The following PRDM11 variants were observed in gnomAD, a reference collection of about 807,000 sequenced individuals.
The protein encoded by PRDM11 is PR domain-containing protein 11.
In PRDM11, 20 loss-of-function variants were observed where a neutral mutation model predicts 97.8. The ratio of observed to expected loss-of-function variants is 0.20; its 90% confidence interval spans 0.14 to 0.30. PRDM11 has a LOEUF of 0.30. Ranked by LOEUF, PRDM11 falls within the 10% of genes least tolerant of loss-of-function variation. The pLI is 1.00. For missense variants in PRDM11, 1,139 were observed against 1,555.2 expected (o/e 0.73, Z 4.50); for synonymous variants, 599 against 637.7 (o/e 0.94, Z 0.91).
chr11:45,157,946 C>G (rs1423882911), intron 1 of PRDM11, among the ~76,000 whole-genome samples: 2 of 152,132 alleles, frequency 1.3e-5, no homozygotes, highest in Admixed American at 1.3e-4. Flanking sequence ...GCCCTGGGTA[C>G]CTGGTCTCTG....
At chr11:45,121,592 T>C (rs1852432205) in intron 1 of PRDM11, among the ~76,000 whole-genome samples, 1 of 152,286 alleles carries the variant, frequency 6.6e-6, no homozygotes, top group South Asian at 2.1e-4. Context: ...TTAAGCAATT[T>C]TATCTGGTTA....
At chr11:45,153,844 A>G (rs1426340409) in intron 1 of PRDM11, among the ~76,000 whole-genome samples, 1 of 152,198 alleles carries the variant, frequency 6.6e-6, no homozygotes, top group Non-Finnish European at 1.5e-5. Context: ...TGTATGGAGC[A>G]CCAGGACACT....
In PRDM11 at chr11:45,113,829, G is replaced by T. The variant is rs11038303; in HGVS notation, c.96+17928G>T. ...GTGTGTGTGTGTGTGTGTGTGTTTT[G>T]TTTTTTTTTTTTTTTACAAAAAATC... On this transcript the variant is annotated intron_variant, in intron 1 of 6. Coordinates refer to the PRDM11 transcript ENST00000530656. Among the ~76,000 whole-genome samples, 151 of 124,040 alleles carry T rather than the reference G, an allele frequency of 1.2e-3. 6 individuals are homozygous for T. The highest frequency in any genetic ancestry group is 4.2e-3 in the Middle Eastern group (1 of 236). 81.4% of individuals were successfully genotyped at this position (124,040 alleles called of 152,430 possible).
intron 5 of PRDM11, chr11:45,214,322 CCTT>C (rs1006920858): frequency 2.6e-5 from 4 of 152,594 alleles, no homozygotes; most frequent in African/African-American, 9.7e-5. Context: ...AGCTCTGTGT[CCTT>C]TTTTTTCCCT....
In PRDM11 at chr11:45,219,703, A is replaced by G. The variant is rs1405153975; in HGVS notation, c.688A>G (p.Met230Val). The change falls in exon 6 of 8, where the codon ATG becomes GTG. Residue 230 changes from methionine (M) to valine (V), a missense_variant. Met to Val is a conservative substitution (Grantham distance 21, BLOSUM62 1). Around this residue, in one of 2 missense-constraint regions of PRDM11, gnomAD observed 429 missense variants for 510.3 expected, o/e 0.84. Transcript: ENST00000683152. The surrounding 1 kb of genome is among the most constrained non-coding windows in gnomAD (Gnocchi z 4.2). ...WLRVWYSEDY[M>V]KRLHSMSQET... ...GCGGGTCTGGTACAGCGAGGACTAC[A>G]TGAAGCGCCTGCACAGCATGTCCCA... 15 of 1,613,938 alleles carry G rather than the reference A, an allele frequency of 9.3e-6. No individual in the cohort carries two copies. The highest frequency in any genetic ancestry group is 3.3e-5 in the Admixed American group (2 of 60,006).
chr11:45,212,645 C>G (rs1352777598), intron 5 of PRDM11: 1 of 456,284 alleles, frequency 2.2e-6, no homozygotes, highest in Admixed American at 2.3e-5. Flanking sequence ...TCCCTCGCCC[C>G]AGGCCCAGGC....
intron 1 of PRDM11, among the ~76,000 whole-genome samples, chr11:45,156,272 T>TG (rs1179920609): frequency 6.6e-5 from 10 of 152,218 alleles, no homozygotes; most frequent in African/African-American, 2.4e-4. Context: ...ACTTGAAGAA[T>TG]GGGGATGCCT....
intron 2 of PRDM11, 30 bp downstream of exon 2, chr11:45,181,915 GAGAAGT>G: frequency 1.3e-6 from 2 of 1,589,930 alleles, no homozygotes; most frequent in African/African-American, 2.7e-5. Context: ...ACTGGAGAGG[GAGAAGT>G]GGGAGTGGGA....
At chr11:45,155,314 G>A (rs577740039) in intron 1 of PRDM11, among the ~76,000 whole-genome samples, 1 of 152,328 alleles carries the variant, frequency 6.6e-6, no homozygotes, top group African/African-American at 2.4e-5. Flanking sequence ...CTCCACGATG[G>A]CCAAGGGGCA....
At chr11:45,172,378 A>G (rs1852222101) in intron 1 of PRDM11, among the ~76,000 whole-genome samples, 1 of 152,154 alleles carries the variant, frequency 6.6e-6, no homozygotes, top group South Asian at 2.1e-4. Flanking sequence ...CAACCTTCCA[A>G]TCACGTGTTC....
Position 45,181,885 on chromosome 11 carries a change from G to T in PRDM11, c.119G>T (p.Cys40Phe), listed in dbSNP as rs1426695424. 1.2e-6 allele frequency: 2 copies of T among 1,611,328 alleles called. No homozygotes were observed. Among genetic ancestry groups the T allele is most frequent in the South Asian group, 2.2e-5 (2 of 90,832 alleles). Residue 40 changes from cysteine (C) to phenylalanine (F), a missense_variant and splice_region_variant, in exon 2 of 8, where the codon TGC becomes TTC. This residue lies in a region of PRDM11 where 429 missense variants were observed against 510.3 expected (regional missense o/e 0.84). Coordinates refer to ENST00000683152, the MANE Select transcript of PRDM11 (RefSeq NM_001384648.1). ...PLRDQEYGQP[C>F]SRRPDSSAME... is the part of the protein sequence containing the mutation. Reference sequence around the variant, plus strand: ...CGAGACCAGGAGTATGGCCAGCCCTGGTGAGGCCCCTGTGTGGGAACTGGA... The same window carrying T: ...CGAGACCAGGAGTATGGCCAGCCCTTGTGAGGCCCCTGTGTGGGAACTGGA...
At chr11:45,099,312 G>A (rs1045076773) in intron 1 of PRDM11, among the ~76,000 whole-genome samples, 1 of 152,070 alleles carries the variant, frequency 6.6e-6, no homozygotes, top group African/African-American at 2.4e-5. Flanking sequence ...AAAATTAGGT[G>A]TGGTGATGTG....
chr11:45,165,480 G>A (rs937814547), intron 1 of PRDM11, among the ~76,000 whole-genome samples: 3 of 152,246 alleles, frequency 2.0e-5, no homozygotes, highest in Non-Finnish European at 4.4e-5. Context: ...CATCTGCACA[G>A]CACTGTGGTC....
Position 45,225,982 on chromosome 11 carries a change from ATT to A in PRDM11, c.1370-11_1370-10del. 6.8e-7 allele frequency: 1 copy of A among 1,471,548 alleles called. No homozygotes were observed. The highest frequency in any genetic ancestry group is 9.0e-7 in the Non-Finnish European group (1 of 1,114,118). 91.2% of individuals were successfully genotyped at this position (1,471,548 alleles called of 1,614,324 possible). ...CCCCAGGTATAAATGTTTCTTTCCC[ATT>A]TGTTTTTCAGCCTCAGAAAGCATGG... is the stretch of plus-strand genomic sequence containing the variant. On this transcript the variant is annotated splice_polypyrimidine_tract_variant and intron_variant, in intron 7 of 7. Coordinates refer to ENST00000683152, the MANE Select transcript of PRDM11 (RefSeq NM_001384648.1).
At chr11:45,099,175 G>C (rs576303761) in intron 1 of PRDM11, among the ~76,000 whole-genome samples, 3 of 151,592 alleles carry the variant, frequency 2.0e-5, no homozygotes, top group East Asian at 2.0e-4. Context: ...GCTCTGGGCC[G>C]GGTGTGGTGG....
intron 1 of PRDM11, among the ~76,000 whole-genome samples, chr11:45,151,438 G>A (rs1404753121): frequency 6.6e-6 from 1 of 152,252 alleles, no homozygotes; most frequent in Admixed American, 6.5e-5. Context: ...CAGCCACATT[G>A]CTGGTGGTGT....
chr11:45,123,357 A>G (rs538629908), intron 1 of PRDM11, among the ~76,000 whole-genome samples: 1 of 152,070 alleles, frequency 6.6e-6, no homozygotes, highest in Non-Finnish European at 1.5e-5. Context: ...GTTAGATCCC[A>G]TTTGTCAATT....
intron 1 of PRDM11, among the ~76,000 whole-genome samples, chr11:45,178,509 C>T (rs576687826): frequency 1.5e-4 from 23 of 152,198 alleles, no homozygotes; most frequent in Admixed American, 1.3e-4. Context: ...CTCTGCCTGG[C>T]GGAGATCACT....
chr11:45,198,148 G>A (rs1277853541), intron 4 of PRDM11, among the ~76,000 whole-genome samples: 3 of 152,304 alleles, frequency 2.0e-5, no homozygotes, highest in South Asian at 4.1e-4. Context: ...TTATACTCAC[G>A]TGCCAATGTT....
Sources: gnomAD v4.1 joint callset for allele counts (sites outside exome capture counted in the v4.1 genomes callset) on GRCh38, gnomAD v4.1.1 for gene constraint, gnomAD v4.1.1 regional missense constraint, Gnocchi (gnomAD v3.1) non-coding constraint, MANE v1.5 for transcripts, NCBI Gene and HGNC (gene_info 2026-07-23, HGNC 2026-07-21) for gene names.